Variants in SLC2A9 observed in about 807,000 individuals in gnomAD.
SLC2A9 encodes the protein solute carrier family 2, facilitated glucose transporter member 9.
In SLC2A9, 39 loss-of-function variants were observed where a neutral mutation model predicts 50.6. That is an observed-to-expected ratio of 0.77 (90% confidence interval 0.60 to 1.01). SLC2A9 has a LOEUF of 1.01. Ranked by LOEUF, SLC2A9 falls within the 50% of genes least tolerant of loss-of-function variation. The pLI, the probability that SLC2A9 is intolerant of heterozygous loss-of-function variation, is 0.00. For missense variants in SLC2A9, 686 were observed against 677.6 expected (o/e 1.01, Z -0.14); for synonymous variants, 324 against 276.9 (o/e 1.17, Z -1.69).
chr4:9,921,307 T>C (rs1743909109), intron 6 of SLC2A9, among the ~76,000 whole-genome samples: 1 of 152,234 alleles, frequency 6.6e-6, no homozygotes, highest in Non-Finnish European at 1.5e-5. Context: ...ATCATTTTTT[T>C]TTTAAATGAA....
chr4:9,891,670 T>C (rs747360448), intron 8 of SLC2A9, among the ~76,000 whole-genome samples: 9 of 151,962 alleles, frequency 5.9e-5, no homozygotes, highest in Admixed American at 4.6e-4. Context: ...ACAGAGCAAG[T>C]AGGTGAGAGA....
chr4:9,854,344 T>C (rs112012298), intron 10 of SLC2A9, among the ~76,000 whole-genome samples: 21 of 151,918 alleles, frequency 1.4e-4, no homozygotes, highest in African/African-American at 4.1e-4. Context: ...TCAGAGACTA[T>C]TATGAACACT....
intron 1 of SLC2A9, among the ~76,000 whole-genome samples, chr4:9,771,814 G>A (rs10022923): frequency 0.57 from 86,683 of 152,034 alleles, 25,371 homozygotes; most frequent in Non-Finnish European, 0.64. Context: ...TGAAATGTGA[G>A]TGGGCACTCA....
At chr4:9,812,910 G>A (rs1462964651) in intron 3 of SLC2A9, among the ~76,000 whole-genome samples, 2 of 152,216 alleles carry the variant, frequency 1.3e-5, no homozygotes. Flanking sequence ...GCCAGGGGAA[G>A]TGATTTTGAT....
In SLC2A9 at chr4:9,890,710, C is replaced by A; in HGVS notation, c.1115G>T (p.Gly372Val). 4 of 1,613,634 alleles carry A rather than the reference C, an allele frequency of 2.5e-6. No homozygotes were observed. The highest frequency in any genetic ancestry group is 3.4e-6 in the Non-Finnish European group (4 of 1,179,646). ...CCGTCCCAGGTGCTCAATGACCAAA[C>A]CCTAGTCCAGGGTAAAAGAGAGAGA... The part of the protein sequence containing the change: ...GIETLAAVFS[G>V]LVIEHLGRRP... The change falls in exon 9 of 12, where the codon GGT (glycine) becomes GTT (valine). Residue 372 changes from glycine to valine, a missense_variant and splice_region_variant. Physicochemically the swap from Gly to Val is moderately radical, Grantham distance 109. Transcript: ENST00000264784.
intron 10 of SLC2A9, among the ~76,000 whole-genome samples, chr4:9,857,906 C>A (rs1358847561): frequency 6.6e-6 from 1 of 152,166 alleles, no homozygotes; most frequent in Non-Finnish European, 1.5e-5. Context: ...CTCTGGCATG[C>A]CCTTTACTGA....
chr4:9,931,614 G>T (rs1745940008), intron 6 of SLC2A9, among the ~76,000 whole-genome samples: 1 of 152,072 alleles, frequency 6.6e-6, no homozygotes, highest in African/African-American at 2.4e-5. Flanking sequence ...GTAATAGTGA[G>T]GAGTTCATGC....
Position 9,891,521 on chromosome 4 carries a change from G to T in SLC2A9, c.1114-810C>A, listed in dbSNP as rs115766053. Among the ~76,000 whole-genome samples, 825 of 152,310 alleles carry T rather than the reference G, an allele frequency of 5.4e-3. 7 individuals carry two copies. The highest frequency in any genetic ancestry group is 0.019 in the African/African-American group (777 of 41,558). ...ATATCCTTCCACAAGAGTGTCTGGA[G>T]TGGAAGGGTGTGTTAAATAAGAGAC... On this transcript the variant is annotated intron_variant, in intron 8 of 11. Coordinates refer to ENST00000264784, the MANE Select transcript of SLC2A9 (RefSeq NM_020041.3).
At chr4:9,837,913 G>T (rs769462919) in intron 10 of SLC2A9, among the ~76,000 whole-genome samples, 1 of 152,148 alleles carries the variant, frequency 6.6e-6, no homozygotes, top group African/African-American at 2.4e-5. Flanking sequence ...CTTGGGCTTT[G>T]GTGTTAGTAA....
chr4:9,815,417 A>T (rs902586335), intron 3 of SLC2A9, among the ~76,000 whole-genome samples: 6 of 152,360 alleles, frequency 3.9e-5, no homozygotes, highest in Middle Eastern at 3.4e-3. Context: ...CCCAAGTAAG[A>T]GTAGCTTAAA....
At chr4:9,918,422 C>T (rs545177709) in intron 7 of SLC2A9, among the ~76,000 whole-genome samples, 3 of 152,262 alleles carry the variant, frequency 2.0e-5, no homozygotes, top group Non-Finnish European at 2.9e-5. Context: ...GTATGTAACA[C>T]GGAAGAAGAC....
intron 11 of SLC2A9, among the ~76,000 whole-genome samples, chr4:9,831,541 C>T (rs1726144199): frequency 1.3e-5 from 2 of 152,226 alleles, no homozygotes; most frequent in African/African-American, 2.4e-5. Context: ...TGGCCCTACA[C>T]CACTGTTGTC....
intron 10 of SLC2A9, among the ~76,000 whole-genome samples, chr4:9,861,975 G>A (rs759779231): frequency 4.6e-5 from 7 of 151,702 alleles, no homozygotes; most frequent in African/African-American, 9.7e-5. Flanking sequence ...TCTATCCTCC[G>A]GCCCCTACTA....
chr4:9,916,938 G>A (rs545535567), intron 7 of SLC2A9, among the ~76,000 whole-genome samples: 1 of 152,346 alleles, frequency 6.6e-6, no homozygotes, highest in East Asian at 1.9e-4. Flanking sequence ...TGGAGGCACA[G>A]GGTTGATAAG....
chr4:9,772,342 T>C (rs1337520605), intron 1 of SLC2A9, among the ~76,000 whole-genome samples: 2 of 152,222 alleles, frequency 1.3e-5, no homozygotes, highest in African/African-American at 4.8e-5. Flanking sequence ...CAAGATGTAT[T>C]ATTGGCTCAC....
chr4:9,967,725 T>A (rs1244755910), intron 5 of SLC2A9, among the ~76,000 whole-genome samples: 2 of 151,936 alleles, frequency 1.3e-5, no homozygotes, highest in Non-Finnish European at 2.9e-5. Flanking sequence ...GTAAGAAAGA[T>A]TTAAGAAAAG....
intron 3 of SLC2A9, chr4:9,792,713 C>T (rs1477480696): frequency 6.6e-6 from 1 of 152,278 alleles, no homozygotes; most frequent in Non-Finnish European, 1.5e-5. Context: ...TGCGAGCACA[C>T]AACTGCACAA....
downstream of SLC2A9, among the ~76,000 whole-genome samples, chr4:9,825,170 A>G (rs1305221247): frequency 2.0e-5 from 3 of 152,208 alleles, no homozygotes; most frequent in African/African-American, 7.2e-5. Flanking sequence ...TTACTTTAGG[A>G]CACGTTTTTT....
intron 7 of SLC2A9, among the ~76,000 whole-genome samples, chr4:9,916,274 C>T (rs1326276340): frequency 6.6e-6 from 1 of 152,150 alleles, no homozygotes; most frequent in African/African-American, 2.4e-5. Flanking sequence ...CATGGGTATC[C>T]CACCAAGTGC....
Sources: gnomAD v4.1 joint callset for allele counts (sites outside exome capture counted in the v4.1 genomes callset) on GRCh38, gnomAD v4.1.1 for gene constraint, MANE v1.5 for transcripts, NCBI Gene and HGNC (gene_info 2026-07-23, HGNC 2026-07-21) for gene names.